ATP8B3: variants seen among roughly 807,000 people sequenced by gnomAD.
ATP8B3 encodes the protein ATPase phospholipid transporting 8B3.
ATP8B3 carries 141 observed loss-of-function variants against 140.9 expected under a neutral mutation model. The ratio of observed to expected loss-of-function variants is 1.00; its 90% CI spans 0.87 to 1.15. The LOEUF (loss-of-function observed/expected upper bound fraction) is 1.15. Among genes scored for constraint, ATP8B3 ranks in the 50% most tolerant of loss-of-function variants. The pLI is 0.00. For synonymous variants in ATP8B3, 765 were observed against 714.6 expected, an observed-to-expected ratio of 1.07 and a Z score of -1.13; for missense variants, 1,874 against 1,740.6, an observed-to-expected ratio of 1.08 and a Z score of -1.36.
chr19:1,796,174 C>T lies in ATP8B3; in HGVS notation c.1845G>A (p.Gln615=). The T allele has an allele frequency of 6.2e-7, 1 of 1,612,920 alleles. No homozygotes were observed. Among genetic ancestry groups the T allele is most frequent in the Non-Finnish European group, 8.5e-7 (1 of 1,179,868 alleles). The change falls in exon 17 of 29, where the codon CAG becomes CAA. Residue 615 remains glutamine, a synonymous_variant. Transcript: ENST00000310127. The part of the protein sequence containing the change: ...NFGYVFLSRT[Q]DTVTIMELGE... ...CCAGCTCCATGATCGTGACGGTGTC[C>T]TGGGTGCGGGACAGGAACACGTAGC...
chr19:1,784,731 C>T (rs1251424910), intron 28 of ATP8B3, 88 bp downstream of exon 28: 3 of 1,444,630 alleles, frequency 2.1e-6, no homozygotes, highest in East Asian at 2.5e-5. Context: ...GGGGCCGGGA[C>T]ACCTTGCAGT....
Position 1,790,839 on chromosome 19 carries a change from A to G in ATP8B3, c.2303-7T>C. The G allele has an allele frequency of 2.5e-6, 4 of 1,592,960 alleles. No individual in the cohort carries two copies. Among genetic ancestry groups the G allele is most frequent in the Non-Finnish European group, 3.4e-6 (4 of 1,171,634 alleles). ...CCGATGTTCACAGCCGTTTCTGCGA[A>G]GCAGACCAGCTCAGCGCCTCTGCGA... On this transcript the variant is annotated splice_polypyrimidine_tract_variant and splice_region_variant and intron_variant, in intron 20 of 28. Transcript: ENST00000310127.
chr19:1,783,652 G>A (rs895017737), intron 28 of ATP8B3, among the ~76,000 whole-genome samples: 3 of 152,198 alleles, frequency 2.0e-5, no homozygotes, highest in Non-Finnish European at 4.4e-5. Context: ...CTGCCCTTTG[G>A]TGGCAAATCC....
intron 18 of ATP8B3, among the ~76,000 whole-genome samples, chr19:1,793,175 C>CGA (rs2068568537): frequency 6.6e-6 from 1 of 151,596 alleles, no homozygotes. Context: ...ACTGCAGCCT[C>CGA]GAACTCCTGG....
chr19:1,803,640 C>T (rs562172318), intron 10 of ATP8B3, among the ~76,000 whole-genome samples: 1 of 152,084 alleles, frequency 6.6e-6, no homozygotes, highest in South Asian at 2.1e-4. Context: ...GCTATGCCTG[C>T]CATCCCAGCA....
chr19:1,785,540 C>T lies in ATP8B3; in HGVS notation c.3322G>A (p.Ala1108Thr), dbSNP rs764851413. ...AAGGACTGGTGGTCGCTGAAGCTGG[C>T]GGGTCCCGCCGTGTCGCGGCTGATC... is the stretch of plus-strand genomic sequence containing the variant. ...LWISRDTAGP[A>T]SFSDHQSFAV... Residue 1108 changes from alanine to threonine, a missense_variant, in exon 26 of 29, where the codon GCC (alanine) becomes ACC (threonine). Ala to Thr is a moderately conservative substitution (Grantham distance 58). This residue lies in a region of ATP8B3 where 840 missense variants were observed against 760.9 expected (regional missense o/e 1.10). Transcript: ENST00000310127. The T allele has an allele frequency of 4.7e-5, 76 of 1,612,390 alleles. No homozygotes were observed. The East Asian group carries it at 1.2e-3, about 26-fold the overall frequency.
chr19:1,807,999 A>C lies in ATP8B3; in HGVS notation c.516+223T>G, dbSNP rs1255558537. Among the ~76,000 whole-genome samples, 1 of 152,158 alleles carries C rather than the reference A, an allele frequency of 6.6e-6. No homozygotes were observed. The highest frequency in any genetic ancestry group is 1.5e-5 in the Non-Finnish European group (1 of 68,012). ...CAGCAGGAACCAGCGGGGCGTGGAGAGGGTGCCGTCATCAGACCTGGAGGG... is the reference window on the plus strand; with the variant it reads ...CAGCAGGAACCAGCGGGGCGTGGAGCGGGTGCCGTCATCAGACCTGGAGGG... On this transcript the variant is annotated intron_variant, in intron 5 of 28. Transcript: ENST00000310127. The surrounding 1 kb of genome is among the most constrained non-coding windows in gnomAD (Gnocchi z 5.9).
In ATP8B3 at chr19:1,796,840, GCTTCCCGTCGGCGAA is replaced by G; in HGVS notation, c.1609_1623del (p.Phe537_Lys541del). 1 of 1,612,530 alleles carries G rather than the reference GCTTCCCGTCGGCGAA, an allele frequency of 6.2e-7. No homozygotes were observed. Among genetic ancestry groups the G allele is most frequent in the Non-Finnish European group, 8.5e-7 (1 of 1,179,530 alleles). On this transcript the variant is annotated inframe_deletion, in exon 16 of 29. Coordinates refer to ENST00000310127, the MANE Select transcript of ATP8B3 (RefSeq NM_138813.4). ...AGCAGGGCCGCATTGTGGAAGAGCA[GCTTCCCGTCGGCGAA>G]CTTGTTCCAGAGGTAGGGGTTCTCC...
chr19:1,792,066 C>A lies in ATP8B3; in HGVS notation c.2125G>T (p.Asp709Tyr). 6.4e-7 allele frequency: 1 copy of A among 1,564,070 alleles called. No homozygotes were observed. Among genetic ancestry groups the A allele is most frequent in the African/African-American group, 1.4e-5 (1 of 73,690 alleles). ...GCCTCCTGGTGGCGCTGCTGCCAGT[C>A]CTCGTAAATGTCCTCAGCCACCTCC... Reference protein sequence around the residue: ...YREVAEDIYEDWQQRHQEASL... With the variant: ...YREVAEDIYEYWQQRHQEASL... The change falls in exon 19 of 29, where the codon GAC (aspartate) becomes TAC (tyrosine). Residue 709 changes from aspartate to tyrosine, a missense_variant. Asp to Tyr is a radical substitution (Grantham distance 160). Transcript: ENST00000310127.
chr19:1,804,779 C>G (rs771062576), intron 10 of ATP8B3, among the ~76,000 whole-genome samples: 1 of 152,154 alleles, frequency 6.6e-6, no homozygotes, highest in Non-Finnish European at 1.5e-5. Context: ...GCACTCCAGC[C>G]TGGGAGACAA....
Position 1,808,254 on chromosome 19 carries a change from T to G in ATP8B3, c.484A>C (p.Asn162His). 6.2e-7 allele frequency: 1 copy of G among 1,612,908 alleles called. No individual in the cohort carries two copies. Among genetic ancestry groups the G allele is most frequent in the East Asian group, 2.2e-5 (1 of 44,876 alleles). The change falls in exon 5 of 29, where the codon AAC (asparagine) becomes CAC (histidine). Residue 162 changes from asparagine to histidine, a missense_variant. By Grantham distance (68) the Asn-to-His change is moderately conservative. Coordinates refer to ENST00000310127, the MANE Select transcript of ATP8B3 (RefSeq NM_138813.4). ...NLYEQFHRVS[N>H]LFFLIIIILQ... ...ATGATGATGATGAGGAAGAACAGGT[T>G]GGACACGCGGTGGAACTGCTCGTAC...
At chr19:1,811,391 C>T (rs2069182985) in intron 2 of ATP8B3, 98 bp downstream of exon 2, 29 of 1,473,866 alleles carry the variant, frequency 2.0e-5, no homozygotes, top group Admixed American at 6.6e-5. Context: ...CACCCCTAGA[C>T]GCCAGCAACT....
chr19:1,799,759 T>C (rs1444690989), intron 14 of ATP8B3, 188 bp downstream of exon 14: 4 of 616,480 alleles, frequency 6.5e-6, no homozygotes, highest in Non-Finnish European at 2.9e-6. Flanking sequence ...AGTGAGACTC[T>C]GCCTCAAAAA....
chr19:1,807,077 C>G lies in ATP8B3; in HGVS notation c.615+91G>C. 1 of 1,201,090 alleles carries G rather than the reference C, an allele frequency of 8.3e-7. No individual in the cohort carries two copies. Among genetic ancestry groups the G allele is most frequent in the Non-Finnish European group, 1.2e-6 (1 of 817,976 alleles). 74.4% of individuals were successfully genotyped at this position (1,201,090 alleles called of 1,614,324 possible). A position where few individuals can be genotyped will look rare whatever the true frequency, so the allele number is the denominator to read the frequency against. On this transcript the variant is annotated intron_variant, in intron 6 of 28. Transcript: ENST00000310127. The surrounding 1 kb of genome is among the most constrained non-coding windows in gnomAD (Gnocchi z 5.9). The stretch of plus-strand genomic sequence containing the variant: ...CGTTCCCCTAATGCTCCAGGAAGCC[C>G]AGCCCTCCTCCCACTCTCGCCCAGG...
Position 1,811,875 on chromosome 19 carries a change from C to T in ATP8B3, c.-139G>A. 2 of 949,354 alleles carry T rather than the reference C, an allele frequency of 2.1e-6. 1 individual carries two copies. Among genetic ancestry groups the T allele is most frequent in the Non-Finnish European group, 3.0e-6 (2 of 661,504 alleles). The allele number at this position is 949,354 out of a possible 1,614,324, so 58.8% of individuals were successfully genotyped here. On this transcript the variant is annotated 5_prime_UTR_variant, in exon 2 of 29. Coordinates refer to ENST00000310127, the MANE Select transcript of ATP8B3 (RefSeq NM_138813.4). The stretch of plus-strand genomic sequence containing the variant: ...AATGCTCAAATGGCCAGAATCCACT[C>T]GAAGTGTATCTGGGGGCAGAAAGAG...
Position 1,806,325 on chromosome 19 carries a change from C to A in ATP8B3, c.678-156G>T, listed in dbSNP as rs2069018012. ...AAGCCTTCCCCGGGCTCCCACCCCA[C>A]TCCCCGCGGGTCCACGCTCCCACCC... On this transcript the variant is annotated intron_variant, in intron 7 of 28. Transcript: ENST00000310127. The surrounding 1 kb of genome is among the most constrained non-coding windows in gnomAD (Gnocchi z 5.6). 6.8e-7 allele frequency: 1 copy of A among 1,475,604 alleles called. No homozygotes were observed. The highest frequency in any genetic ancestry group is 2.2e-5 in the Admixed American group (1 of 44,490). The allele number at this position is 1,475,604 out of a possible 1,614,324, so 91.4% of individuals were successfully genotyped here.
chr19:1,806,349 C>T lies in ATP8B3; in HGVS notation c.678-180G>A, dbSNP rs1416144815. The T allele has an allele frequency of 6.9e-7, 1 of 1,459,434 alleles. No individual in the cohort carries two copies. Among genetic ancestry groups the T allele is most frequent in the South Asian group, 1.4e-5 (1 of 70,646 alleles). 90.4% of individuals were successfully genotyped at this position (1,459,434 alleles called of 1,614,324 possible). The stretch of plus-strand genomic sequence containing the variant: ...ACTCCCCGCGGGTCCACGCTCCCAC[C>T]CAGTGACCTCCAGGGTCCTGCACCC... On this transcript the variant is annotated intron_variant, in intron 7 of 28. Transcript: ENST00000310127. This position sits in a 1 kb window ranked among gnomAD's most constrained non-coding sequence, Gnocchi z 5.6.
rs1228642568 is a variant in ATP8B3, at chr19:1,805,390, C to G, written c.888G>C (p.Lys296Asn). ...VTHKELATIK[K>N]MASFQGTVTC... ...GCCTCTCACCTTGAAAGGACGCCAT[C>G]TTCTTTATAGTGGCCAGTTCTTTGT... Residue 296 changes from lysine (K) to asparagine (N), a missense_variant, in exon 10 of 29, where the codon AAG (lysine) becomes AAC (asparagine). Transcript: ENST00000310127. This position sits in a 1 kb window ranked among gnomAD's most constrained non-coding sequence, Gnocchi z 5.2. 1 of 1,567,620 alleles carries G rather than the reference C, an allele frequency of 6.4e-7. No homozygotes were observed. Among genetic ancestry groups the G allele is most frequent in the Middle Eastern group, 1.7e-4 (1 of 6,008 alleles).
intron 4 of ATP8B3, among the ~76,000 whole-genome samples, chr19:1,809,191 AG>A (rs2069115381): frequency 6.7e-6 from 1 of 148,532 alleles, no homozygotes; most frequent in African/African-American, 2.5e-5. Flanking sequence ...AACAGAAAAA[AG>A]AAAAAAGAGG....
Sources: allele counts gnomAD v4.1 joint callset (sites outside exome capture counted in the v4.1 genomes callset), GRCh38; gene constraint gnomAD v4.1.1; regional missense constraint gnomAD v4.1.1; non-coding constraint Gnocchi (gnomAD v3.1); transcripts MANE v1.5; gene names NCBI Gene and HGNC (gene_info 2026-07-23, HGNC 2026-07-21).